TSHZ2: variants seen among roughly 807,000 people sequenced by gnomAD.
The protein encoded by TSHZ2 is teashirt zinc finger homeobox 2, also known as teashirt homolog 2.
In TSHZ2, 21 loss-of-function variants were observed where a neutral mutation model predicts 74.4. The ratio of observed to expected loss-of-function variants is 0.28; its 90% CI spans 0.20 to 0.41. TSHZ2 has a LOEUF of 0.41. Ranked by LOEUF, TSHZ2 falls within the 10% of genes least tolerant of loss-of-function variation. The pLI is 1.00. For synonymous variants in TSHZ2, 540 were observed against 515.3 expected, an observed-to-expected ratio of 1.05 and a Z score of -0.65; for missense variants, 1,244 against 1,293.5, an observed-to-expected ratio of 0.96 and a Z score of 0.59.
chr20:53,078,277 C>T (rs573698685), intron 1 of TSHZ2, among the ~76,000 whole-genome samples: 12 of 152,254 alleles, frequency 7.9e-5, no homozygotes, highest in Non-Finnish European at 1.5e-4. Context: ...TGGGTTTAAC[C>T]ATTTCATGAC....
chr20:53,243,108 C>T (rs763728278), intron 1 of TSHZ2, among the ~76,000 whole-genome samples: 6 of 151,566 alleles, frequency 4.0e-5, no homozygotes, highest in East Asian at 1.9e-4. Flanking sequence ...ACCCATCCGA[C>T]GAAAGGCATT....
At chr20:53,405,822 C>A (rs1287148726) in intron 2 of TSHZ2, among the ~76,000 whole-genome samples, 1 of 151,996 alleles carries the variant, frequency 6.6e-6, no homozygotes, top group African/African-American at 2.4e-5. Context: ...ATGGCGAGAC[C>A]CTGTCTGTAT....
chr20:53,320,048 G>C, intron 2 of TSHZ2, among the ~76,000 whole-genome samples: 1 of 152,148 alleles, frequency 6.6e-6, no homozygotes. Flanking sequence ...CAATGGCCAA[G>C]CATCTTTCTG....
At chr20:53,401,484 G>A (rs1982655981) in intron 2 of TSHZ2, among the ~76,000 whole-genome samples, 1 of 152,064 alleles carries the variant, frequency 6.6e-6, no homozygotes, top group Non-Finnish European at 1.5e-5. Flanking sequence ...AGATTTTGGT[G>A]TACCCATCAC....
chr20:52,983,665 T>C (rs1030077061), intron 1 of TSHZ2, among the ~76,000 whole-genome samples: 5 of 152,264 alleles, frequency 3.3e-5, no homozygotes, highest in African/African-American at 1.2e-4. Context: ...CAAAAGACGA[T>C]GATTTTCGTC....
chr20:53,379,271 A>G (rs1981774656), intron 2 of TSHZ2, among the ~76,000 whole-genome samples: 1 of 152,168 alleles, frequency 6.6e-6, no homozygotes, highest in East Asian at 1.9e-4. Context: ...AGTCCTAGCT[A>G]CTCAGCAGGC....
intron 2 of TSHZ2, among the ~76,000 whole-genome samples, chr20:53,432,847 A>G (rs991871629): frequency 6.6e-6 from 1 of 152,228 alleles, no homozygotes; most frequent in East Asian, 1.9e-4. Flanking sequence ...TAGTGATTTG[A>G]ATAAATCAAG....
At chr20:53,062,369 C>A (rs943609885) in intron 1 of TSHZ2, among the ~76,000 whole-genome samples, 2 of 152,132 alleles carry the variant, frequency 1.3e-5, no homozygotes, top group African/African-American at 4.8e-5. Flanking sequence ...AGAGAAAATT[C>A]TGAGGCAGTG....
chr20:53,139,725 A>G lies in TSHZ2; in HGVS notation c.41-113774A>G, dbSNP rs143427189. On this transcript the variant is annotated intron_variant, in intron 1 of 2. Transcript: ENST00000371497. ...ATTTATCATGATGTTTACACTCCTA[A>G]TGATAATAAATGCTATGTGCAAAAA... 5.3e-5 allele frequency among the ~76,000 whole-genome samples: 8 copies of G among 152,312 alleles called. No homozygotes were observed. The East Asian group carries it at 1.5e-3, about 29-fold the overall frequency.
intron 2 of TSHZ2, among the ~76,000 whole-genome samples, chr20:53,268,955 C>T (rs969736735): frequency 6.6e-6 from 1 of 152,208 alleles, no homozygotes; most frequent in African/African-American, 2.4e-5. Flanking sequence ...TCAGTTTTCT[C>T]ATCCCTAAAA....
chr20:53,194,902 G>A (rs1475772615), intron 1 of TSHZ2, among the ~76,000 whole-genome samples: 1 of 152,226 alleles, frequency 6.6e-6, no homozygotes, highest in Non-Finnish European at 1.5e-5. Flanking sequence ...ACCTTGCAAA[G>A]ATTACAGAAT....
chr20:53,081,739 A>G (rs1408976743), intron 1 of TSHZ2, among the ~76,000 whole-genome samples: 1 of 152,010 alleles, frequency 6.6e-6, no homozygotes, highest in Admixed American at 6.5e-5. Flanking sequence ...CTTTTTTATT[A>G]TATGTTACTG....
chr20:53,438,575 G>A (rs1984186441), intron 2 of TSHZ2, among the ~76,000 whole-genome samples: 1 of 152,186 alleles, frequency 6.6e-6, no homozygotes, highest in Non-Finnish European at 1.5e-5. Flanking sequence ...GGCCAGACTT[G>A]GGTCACATGC....
intron 2 of TSHZ2, among the ~76,000 whole-genome samples, chr20:53,366,410 A>G (rs1981259026): frequency 6.6e-6 from 1 of 152,216 alleles, no homozygotes; most frequent in South Asian, 2.1e-4. Context: ...TAAGGAAATA[A>G]TTACTCAAAA....
At chr20:53,052,390 C>A (rs7274172) in intron 1 of TSHZ2, among the ~76,000 whole-genome samples, 3 of 152,094 alleles carry the variant, frequency 2.0e-5, no homozygotes, top group Non-Finnish European at 4.4e-5. Context: ...CATAGAAGTA[C>A]GAACCCTATT....
At chr20:53,435,263 A>G (rs1984003056) in intron 2 of TSHZ2, among the ~76,000 whole-genome samples, 1 of 152,218 alleles carries the variant, frequency 6.6e-6, no homozygotes, top group South Asian at 2.1e-4. Flanking sequence ...CAAGATGCTA[A>G]TGGATGCAAA....
At chr20:53,388,175 T>C (rs1167603748) in intron 2 of TSHZ2, among the ~76,000 whole-genome samples, 1 of 152,144 alleles carries the variant, frequency 6.6e-6, no homozygotes, top group Non-Finnish European at 1.5e-5. Flanking sequence ...TTGTAGATTG[T>C]GTCATAGGGT....
At chr20:53,437,442 C>T (rs900217296) in intron 2 of TSHZ2, among the ~76,000 whole-genome samples, 1 of 152,000 alleles carries the variant, frequency 6.6e-6, no homozygotes, top group African/African-American at 2.4e-5. Context: ...CACTGCACTG[C>T]AGCCTGGGTG....
At chr20:53,481,508 A>G (rs1462875606) in intron 2 of TSHZ2, among the ~76,000 whole-genome samples, 1 of 151,980 alleles carries the variant, frequency 6.6e-6, no homozygotes, top group Non-Finnish European at 1.5e-5. Context: ...CAGGAGGCAG[A>G]GGTTGCAGTG....
Sources: allele counts gnomAD v4.1 joint callset (sites outside exome capture counted in the v4.1 genomes callset), GRCh38; gene constraint gnomAD v4.1.1; transcripts MANE v1.5; gene names NCBI Gene and HGNC (gene_info 2026-07-23, HGNC 2026-07-21).